The following PDE4B variants were observed in gnomAD, a reference collection of about 807,000 sequenced individuals.
PDE4B encodes phosphodiesterase 4B, also known as 3',5'-cyclic-AMP phosphodiesterase 4B.
Under a neutral mutation model 82.2 loss-of-function variants are expected in PDE4B, and 20 were observed. The ratio of observed to expected loss-of-function variants is 0.24; its 90% CI spans 0.17 to 0.35. PDE4B has a LOEUF of 0.35. PDE4B is among the 10% of genes least tolerant of loss of function. The probability of loss-of-function intolerance (pLI) is 1.00; values close to 1 mark genes in which losing one functional copy is unlikely to be tolerated. For synonymous variants in PDE4B, 320 were observed against 318.9 expected (o/e 1.00, Z -0.04); for missense variants, 655 against 907.2 (o/e 0.72, Z 3.57).
At chr1:66,215,823 G>A (rs1650403912) in intron 3 of PDE4B, among the ~76,000 whole-genome samples, 3 of 152,116 alleles carry the variant, frequency 2.0e-5, no homozygotes, top group Non-Finnish European at 4.4e-5. Context: ...GAGAGCTAAA[G>A]GGATGATACA....
chr1:66,268,314 T>C (rs1655199968), intron 7 of PDE4B, among the ~76,000 whole-genome samples: 1 of 152,218 alleles, frequency 6.6e-6, no homozygotes, highest in South Asian at 2.1e-4. Context: ...CATTTACTTT[T>C]ACAAATTGAT....
intron 3 of PDE4B, among the ~76,000 whole-genome samples, chr1:65,965,882 T>C (rs1486356748): frequency 6.6e-6 from 1 of 152,156 alleles, no homozygotes; most frequent in African/African-American, 2.4e-5. Flanking sequence ...AAACTACGTA[T>C]TGATGGAACA....
intron 1 of PDE4B, among the ~76,000 whole-genome samples, chr1:65,871,011 C>T (rs893889316): frequency 7.9e-5 from 12 of 152,086 alleles, no homozygotes; most frequent in Non-Finnish European, 1.6e-4. Flanking sequence ...ACTTCAGCCC[C>T]AGGGTATGAT....
intron 3 of PDE4B, among the ~76,000 whole-genome samples, chr1:66,205,162 G>A (rs1649446969): frequency 6.6e-6 from 1 of 152,080 alleles, no homozygotes; most frequent in Admixed American, 6.5e-5. Flanking sequence ...GAGACTCATG[G>A]GCCCAACTGA....
At chr1:66,218,250 C>A (rs911049512) in intron 3 of PDE4B, among the ~76,000 whole-genome samples, 3 of 151,920 alleles carry the variant, frequency 2.0e-5, no homozygotes, top group African/African-American at 7.3e-5. Context: ...TGATGTCGGC[C>A]GATATCTCAA....
chr1:65,804,177 TCAA>T lies in PDE4B; in HGVS notation c.-71+10930_-71+10932del, dbSNP rs556624972. Among the ~76,000 whole-genome samples, 548 of 152,306 alleles carry T rather than the reference TCAA, an allele frequency of 3.6e-3. 2 individuals carry two copies. The highest frequency in any genetic ancestry group is 0.013 in the African/African-American group (529 of 41,574). On this transcript the variant is annotated intron_variant, in intron 1 of 16. Transcript: ENST00000341517. ...GGAAAAATACTGGGTCTCTTTCATG[TCAA>T]ATTTATGGTGATGAGTGTTTACATG...
chr1:65,847,816 C>G (rs768033974), intron 1 of PDE4B, among the ~76,000 whole-genome samples: 1 of 152,218 alleles, frequency 6.6e-6, no homozygotes, highest in Non-Finnish European at 1.5e-5. Context: ...TTTGGAAACT[C>G]AGCTTTATTA....
intron 1 of PDE4B, among the ~76,000 whole-genome samples, chr1:65,858,578 T>C (rs918083237): frequency 2.0e-5 from 3 of 152,246 alleles, no homozygotes; most frequent in Admixed American, 2.0e-4. Context: ...AAATATTGTA[T>C]ACAGCAATTG....
intron 7 of PDE4B, among the ~76,000 whole-genome samples, chr1:66,270,684 A>G (rs1404303732): frequency 1.3e-5 from 2 of 152,224 alleles, no homozygotes; most frequent in African/African-American, 2.4e-5. Flanking sequence ...GTCAGGCAGG[A>G]TTACAACACT....
At chr1:65,956,697 T>TC (rs1222923639) in intron 3 of PDE4B, among the ~76,000 whole-genome samples, 1 of 152,140 alleles carries the variant, frequency 6.6e-6, no homozygotes, top group African/African-American at 2.4e-5. Context: ...CCACCTTTGT[T>TC]CCTATCACTG....
chr1:66,021,181 A>G (rs982509688), intron 3 of PDE4B, among the ~76,000 whole-genome samples: 3 of 152,008 alleles, frequency 2.0e-5, no homozygotes, highest in African/African-American at 7.3e-5. Flanking sequence ...TTTTCTTGTA[A>G]ATTTGTTTAA....
intron 1 of PDE4B, among the ~76,000 whole-genome samples, chr1:65,853,820 G>C (rs554936438): frequency 6.6e-6 from 1 of 152,114 alleles, no homozygotes. Context: ...GAGCCACCGC[G>C]CCTGGCTGAT....
At chr1:65,912,757 T>C (rs1647110570) in intron 1 of PDE4B, among the ~76,000 whole-genome samples, 1 of 152,208 alleles carries the variant, frequency 6.6e-6, no homozygotes, top group Admixed American at 6.6e-5. Flanking sequence ...TTCTTCACTT[T>C]TTTTTTGACA....
chr1:65,797,323 G>T (rs1645643253), intron 1 of PDE4B, among the ~76,000 whole-genome samples: 1 of 152,138 alleles, frequency 6.6e-6, no homozygotes. Flanking sequence ...TTAATTGTTG[G>T]TGTCACTTGA....
intron 1 of PDE4B, among the ~76,000 whole-genome samples, chr1:65,826,108 T>C (rs1646014498): frequency 6.6e-6 from 1 of 152,202 alleles, no homozygotes; most frequent in Non-Finnish European, 1.5e-5. Flanking sequence ...TAGTTTTCCT[T>C]TCCAAAGTTC....
At chr1:66,332,129 TGGGATGAC>T in intron 7 of PDE4B, 2 of 1,299,468 alleles carry the variant, frequency 1.5e-6, no homozygotes, top group Non-Finnish European at 2.0e-6. Context: ...TAAAGAACCC[TGGGATGAC>T]TAAGGCAGAG....
chr1:66,219,484 G>T (rs969580211), intron 3 of PDE4B, among the ~76,000 whole-genome samples: 3 of 152,130 alleles, frequency 2.0e-5, no homozygotes, highest in Admixed American at 6.6e-5. Flanking sequence ...TTCTGCCTGT[G>T]GTGTTAGAGA....
At chr1:65,795,682 C>A (rs1468753786) in intron 1 of PDE4B, among the ~76,000 whole-genome samples, 3 of 152,228 alleles carry the variant, frequency 2.0e-5, no homozygotes, top group Non-Finnish European at 4.4e-5. Context: ...TGGGCCATTG[C>A]AGCACAACTC....
At chr1:66,276,074 T>A (rs1433262886) in intron 7 of PDE4B, among the ~76,000 whole-genome samples, 1 of 152,140 alleles carries the variant, frequency 6.6e-6, no homozygotes, top group Admixed American at 6.5e-5. Flanking sequence ...ATTTCTAGGG[T>A]CTAGTCTGGC....
Sources: gnomAD v4.1 joint callset for allele counts (sites outside exome capture counted in the v4.1 genomes callset) on GRCh38, gnomAD v4.1.1 for gene constraint, MANE v1.5 for transcripts, NCBI Gene and HGNC (gene_info 2026-07-23, HGNC 2026-07-21) for gene names.